The following PRDM6 variants were observed in gnomAD, a reference collection of about 807,000 sequenced individuals.
PRDM6 encodes the protein PR/SET domain 6.
In PRDM6, 25 loss-of-function variants were observed where a neutral mutation model predicts 60.8. The observed-to-expected ratio is 0.41, with a 90% CI of 0.30 to 0.57. PRDM6 has a LOEUF of 0.57. PRDM6 is among the 20% of genes least tolerant of loss of function. PRDM6 has a pLI of 0.27. For synonymous variants in PRDM6, 407 were observed against 357.4 expected (o/e 1.14, Z -1.57); for missense variants, 839 against 821.3 (o/e 1.02, Z -0.26).
chr5:123,122,798 A>T (rs1281620509), intron 3 of PRDM6, among the ~76,000 whole-genome samples: 1 of 152,192 alleles, frequency 6.6e-6, no homozygotes, highest in Non-Finnish European at 1.5e-5. Flanking sequence ...TTAAAAAAAA[A>T]GTTTAAAATC....
At position 123,192,935 on chromosome 5, in the gene PRDM6, C is replaced by T. The variant is rs1315972751; in HGVS notation, c.*5734C>T. On this transcript the variant is annotated 3_prime_UTR_variant, in exon 8 of 8. Transcript: ENST00000407847. ...CATTATAGGTTTGGTTTGTCAAAGG[C>T]ACAGATAGTGTAGTTACATGCATGA... is the stretch of plus-strand genomic sequence containing the variant. 2 of 152,108 alleles carry T rather than the reference C, an allele frequency of 1.3e-5. No individual in the cohort carries two copies. The highest frequency in any genetic ancestry group is 2.9e-5 in the Non-Finnish European group (2 of 68,030). 9.4% of individuals were successfully genotyped at this position (152,108 alleles called of 1,614,324 possible). A position where few individuals can be genotyped will look rare whatever the true frequency, so the allele number is the denominator to read the frequency against.
intron 3 of PRDM6, among the ~76,000 whole-genome samples, chr5:123,120,156 A>C (rs1356477698): frequency 6.6e-6 from 1 of 152,256 alleles, no homozygotes; most frequent in Non-Finnish European, 1.5e-5. Context: ...TGGGTCTTAG[A>C]AAGCCGAAGT....
rs1457875447 is a variant in PRDM6, at chr5:123,191,947, C to T, written c.*4746C>T. On this transcript the variant is annotated 3_prime_UTR_variant, in exon 8 of 8. Transcript: ENST00000407847. ...GACATTTAAAATATTTATTTAGTTT[C>T]TTCCTTTAAATAATAAATGCCAGAT... is the stretch of plus-strand genomic sequence containing the variant. 2 of 152,148 alleles carry T rather than the reference C, an allele frequency of 1.3e-5. No homozygotes were observed. Among genetic ancestry groups the T allele is most frequent in the African/African-American group, 4.8e-5 (2 of 41,434 alleles). 9.4% of individuals were successfully genotyped at this position (152,148 alleles called of 1,614,324 possible).
rs546700487 is a variant in PRDM6 at position 123,135,170 on chromosome 5, A to C, written c.901-20714A>C. ...AACTGTGGTGAGGTAAACATATATC[A>C]AAGTATTATGAAAACAATTAAGTGC... On this transcript the variant is annotated intron_variant, in intron 3 of 7. Coordinates refer to ENST00000407847, the MANE Select transcript of PRDM6 (RefSeq NM_001136239.4). Among the ~76,000 whole-genome samples the C allele has an allele frequency of 2.6e-5, 4 of 152,324 alleles. No individual in the cohort carries two copies. The South Asian group carries it at 8.3e-4, about 32-fold the overall frequency.
At chr5:123,168,872 T>C (rs335206) in intron 5 of PRDM6, among the ~76,000 whole-genome samples, 79,732 of 152,184 alleles carry the variant, frequency 0.52, 21,240 homozygotes, top group African/African-American at 0.63. Context: ...GCACACCTAC[T>C]CCTTTCTGTG....
At chr5:123,170,131 C>T (rs1322780896) in intron 5 of PRDM6, among the ~76,000 whole-genome samples, 1 of 152,106 alleles carries the variant, frequency 6.6e-6, no homozygotes, top group Non-Finnish European at 1.5e-5. Context: ...TTCTGACCCC[C>T]AATCCTTATT....
Position 123,149,598 on chromosome 5 carries a change from A to G in PRDM6, c.901-6286A>G, listed in dbSNP as rs77199387. On this transcript the variant is annotated intron_variant, in intron 3 of 7. Coordinates refer to ENST00000407847, the MANE Select transcript of PRDM6 (RefSeq NM_001136239.4). ...GGGTGCCTATGTCTTTTGCATGACA[A>G]GCGACACTGCAATGAACTAAAAACT... Among the ~76,000 whole-genome samples the G allele has an allele frequency of 3.5e-3, 531 of 152,330 alleles. 6 individuals carry two copies. The highest frequency in any genetic ancestry group is 0.012 in the African/African-American group (516 of 41,578).
At chr5:123,164,272 G>A (rs1435135668) in intron 5 of PRDM6, among the ~76,000 whole-genome samples, 1 of 152,188 alleles carries the variant, frequency 6.6e-6, no homozygotes, top group Non-Finnish European at 1.5e-5. Flanking sequence ...TCAGCTGGGA[G>A]AAGTCAAGGT....
At position 123,092,204 on chromosome 5, in the gene PRDM6, T is replaced by C. The variant is rs114378749; in HGVS notation, c.592+1598T>C. ...CTCCCAACAGATTTCAAAAAATACT[T>C]ATCTCCTACTGAATTTCTTGAATGT... On this transcript the variant is annotated intron_variant, in intron 2 of 7. Transcript: ENST00000407847. Among the ~76,000 whole-genome samples the C allele has an allele frequency of 7.9e-3, 1,202 of 152,370 alleles. 16 individuals are homozygous for C. Among genetic ancestry groups the C allele is most frequent in the African/African-American group, 0.027 (1,127 of 41,584 alleles).
Position 123,186,772 on chromosome 5 carries a change from G to C in PRDM6, c.1674-315G>C, listed in dbSNP as rs145727950. Reference sequence around the variant, plus strand: ...AAAACTGCAGGCAAGCTGCTTCTTTGATGGCTCACTCCTAAAAATCTCTTT... The same window carrying C: ...AAAACTGCAGGCAAGCTGCTTCTTTCATGGCTCACTCCTAAAAATCTCTTT... On this transcript the variant is annotated intron_variant, in intron 7 of 7. Transcript: ENST00000407847. Among the ~76,000 whole-genome samples the C allele has an allele frequency of 1.9e-3, 287 of 152,278 alleles. 2 individuals carry two copies. The highest frequency in any genetic ancestry group is 0.018 in the Admixed American group (269 of 15,298).
At chr5:123,139,209 A>T (rs1034204937) in intron 3 of PRDM6, among the ~76,000 whole-genome samples, 1 of 152,226 alleles carries the variant, frequency 6.6e-6, no homozygotes, top group Admixed American at 6.5e-5. Context: ...TCTTTATAGC[A>T]GCGTGAAAAC....
At chr5:123,122,450 G>A (rs1175701376) in intron 3 of PRDM6, among the ~76,000 whole-genome samples, 1 of 152,164 alleles carries the variant, frequency 6.6e-6, no homozygotes, top group East Asian at 1.9e-4. Context: ...TCTCTGAAGC[G>A]GGACTAACTT....
At chr5:123,126,015 G>A (rs1764685218) in intron 3 of PRDM6, among the ~76,000 whole-genome samples, 1 of 152,104 alleles carries the variant, frequency 6.6e-6, no homozygotes, top group African/African-American at 2.4e-5. Flanking sequence ...TGGGTTGGGG[G>A]GAGGGGAGCA....
At chr5:123,158,449 G>T (rs1023823375) in intron 4 of PRDM6, among the ~76,000 whole-genome samples, 1 of 152,180 alleles carries the variant, frequency 6.6e-6, no homozygotes, top group Non-Finnish European at 1.5e-5. Flanking sequence ...ATTCTGCTTA[G>T]CTAGCAGTGC....
chr5:123,099,531 C>T lies in PRDM6; in HGVS notation c.593-123C>T, dbSNP rs1054847703. 5 of 881,394 alleles carry T rather than the reference C, an allele frequency of 5.7e-6. No individual in the cohort carries two copies. The Admixed American group carries it at 1.7e-4, about 29-fold the overall frequency. The allele number at this position is 881,394 out of a possible 1,614,324, so 54.6% of individuals were successfully genotyped here. Reference sequence around the variant, plus strand: ...TCGGTGCCCCCAAGGCATCACCTTCCTCGAAGGTGGCTTACCCAGGCGGGC... The same window carrying T: ...TCGGTGCCCCCAAGGCATCACCTTCTTCGAAGGTGGCTTACCCAGGCGGGC... On this transcript the variant is annotated intron_variant, in intron 2 of 7. Coordinates refer to ENST00000407847, the MANE Select transcript of PRDM6 (RefSeq NM_001136239.4). The surrounding 1 kb of genome is among the most constrained non-coding windows in gnomAD (Gnocchi z 4.0).
Position 123,099,614 on chromosome 5 carries a change from T to G in PRDM6, c.593-40T>G, listed in dbSNP as rs939711480. 7.0e-7 allele frequency: 1 copy of G among 1,426,708 alleles called. No individual in the cohort carries two copies. The allele number at this position is 1,426,708 out of a possible 1,614,324, so 88.4% of individuals were successfully genotyped here. A position where few individuals can be genotyped will look rare whatever the true frequency, so the allele number is the denominator to read the frequency against. On this transcript the variant is annotated intron_variant, in intron 2 of 7. Coordinates refer to ENST00000407847, the MANE Select transcript of PRDM6 (RefSeq NM_001136239.4). The surrounding 1 kb of genome is among the most constrained non-coding windows in gnomAD (Gnocchi z 4.0). Reference sequence around the variant, plus strand: ...GATGGGCCGCTCGGGGCGGCCGGATTAACCCGCTCCCTTCCCTTCCTCCTT... The same window carrying G: ...GATGGGCCGCTCGGGGCGGCCGGATGAACCCGCTCCCTTCCCTTCCTCCTT...
At chr5:123,156,613 T>C (rs1221993828) in intron 4 of PRDM6, among the ~76,000 whole-genome samples, 6 of 152,146 alleles carry the variant, frequency 3.9e-5, no homozygotes, top group Non-Finnish European at 8.8e-5. Context: ...TTTCCGGGCA[T>C]AGAGAAGCCC....
Position 123,090,600 on chromosome 5 carries a change from A to G in PRDM6, c.586A>G (p.Asn196Asp). The G allele has an allele frequency of 1.3e-6, 2 of 1,517,762 alleles. No homozygotes were observed. Among genetic ancestry groups the G allele is most frequent in the Non-Finnish European group, 1.8e-6 (2 of 1,139,446 alleles). The allele number at this position is 1,517,762 out of a possible 1,614,324, so 94.0% of individuals were successfully genotyped here. ...IPLNQHTSDP[N>D]NRCDMCADNR... ...GCTCAACCAGCACACCAGCGACCCC[A>G]ACAACCGTACGTAGCCGCAGCCCGC... Residue 196 changes from asparagine (N) to aspartate (D), a missense_variant, in exon 2 of 8, where the codon AAC becomes GAC. Coordinates refer to ENST00000407847, the MANE Select transcript of PRDM6 (RefSeq NM_001136239.4).
At chr5:123,180,452 G>A in intron 7 of PRDM6, 129 bp downstream of exon 7, 1 of 950,148 alleles carries the variant, frequency 1.1e-6, no homozygotes, top group Non-Finnish European at 1.5e-6. Context: ...TGTCCAGGCT[G>A]CAAACGAATC....
Sources: gnomAD v4.1 joint callset for allele counts (sites outside exome capture counted in the v4.1 genomes callset) on GRCh38, gnomAD v4.1.1 for gene constraint, Gnocchi (gnomAD v3.1) non-coding constraint, MANE v1.5 for transcripts, NCBI Gene and HGNC (gene_info 2026-07-23, HGNC 2026-07-21) for gene names.